Variants in DTNA observed in about 807,000 individuals in gnomAD.
DTNA encodes the protein dystrobrevin alpha.
Under a neutral mutation model 100.7 loss-of-function variants are expected in DTNA, and 43 were observed. That is an observed-to-expected ratio of 0.43 (90% confidence interval 0.33 to 0.55). DTNA has a LOEUF of 0.55. Ranked by LOEUF, DTNA falls within the 20% of genes least tolerant of loss-of-function variation. DTNA has a pLI of 0.04. For synonymous variants in DTNA, 349 were observed against 347.9 expected (o/e 1.00, Z -0.04); for missense variants, 798 against 953.9 (o/e 0.84, Z 2.15).
chr18:34,876,749 A>G (rs773045667), intron 18 of DTNA, among the ~76,000 whole-genome samples: 42 of 152,194 alleles, frequency 2.8e-4, no homozygotes, highest in Admixed American at 4.6e-4. Flanking sequence ...GGAAGGATCT[A>G]TATTAGAACT....
chr18:34,530,883 T>C (rs967442522), intron 1 of DTNA, among the ~76,000 whole-genome samples: 2 of 152,062 alleles, frequency 1.3e-5, no homozygotes, highest in African/African-American at 4.8e-5. Context: ...ACCAAGAAAA[T>C]ATCAGGGAAT....
At chr18:34,741,073 C>T (rs2090560414) in intron 1 of DTNA, among the ~76,000 whole-genome samples, 1 of 152,114 alleles carries the variant, frequency 6.6e-6, no homozygotes, top group South Asian at 2.1e-4. Context: ...CTGCGCAGGT[C>T]CATTTTCTAC....
chr18:34,765,840 A>G (rs2093437889), intron 2 of DTNA, 121 bp from the exon 3 acceptor site: 2 of 958,650 alleles, frequency 2.1e-6, no homozygotes, highest in African/African-American at 1.7e-5. Flanking sequence ...AGTTATATTT[A>G]TATTCTAATA....
chr18:34,722,284 AAAAGGGTGTTAATATAGAC>A (rs2085509329), intron 1 of DTNA, among the ~76,000 whole-genome samples: 1 of 152,176 alleles, frequency 6.6e-6, no homozygotes, highest in Non-Finnish European at 1.5e-5. Context: ...ACTATAATTT[AAAAGGGTGTTAATATAGAC>A]AAACCCTGGA....
chr18:34,564,887 G>C (rs533370629), intron 1 of DTNA, among the ~76,000 whole-genome samples: 35 of 152,122 alleles, frequency 2.3e-4, no homozygotes, highest in Non-Finnish European at 4.4e-4. Context: ...GTAGACTTAA[G>C]ATAAAGAATG....
At chr18:34,602,703 A>T (rs2052152379) in intron 1 of DTNA, among the ~76,000 whole-genome samples, 3 of 151,978 alleles carry the variant, frequency 2.0e-5, no homozygotes, top group Admixed American at 1.3e-4. Flanking sequence ...CTCTACAAAA[A>T]AAAACAAACA....
At chr18:34,825,554 G>A (rs1261241071) in intron 9 of DTNA, among the ~76,000 whole-genome samples, 2 of 152,114 alleles carry the variant, frequency 1.3e-5, no homozygotes, top group Non-Finnish European at 2.9e-5. Flanking sequence ...TGTTAGATAA[G>A]GTAACTTGCC....
At chr18:34,680,955 T>C (rs918937279) in intron 1 of DTNA, among the ~76,000 whole-genome samples, 2 of 152,050 alleles carry the variant, frequency 1.3e-5, no homozygotes, top group African/African-American at 4.8e-5. Flanking sequence ...TCTCCTCCCC[T>C]CCTACATGTT....
intron 1 of DTNA, among the ~76,000 whole-genome samples, chr18:34,744,467 T>C (rs1350990347): frequency 2.0e-5 from 3 of 152,014 alleles, no homozygotes; most frequent in African/African-American, 4.8e-5. Flanking sequence ...GAAAAAAATA[T>C]CATGAGGCTT....
intron 13 of DTNA, among the ~76,000 whole-genome samples, chr18:34,840,200 T>C (rs2096242578): frequency 6.6e-6 from 1 of 152,158 alleles, no homozygotes; most frequent in African/African-American, 2.4e-5. Context: ...TTTAAGGGGA[T>C]AAAAATGCAC....
chr18:34,653,239 C>T (rs544964376), intron 1 of DTNA, among the ~76,000 whole-genome samples: 1 of 152,166 alleles, frequency 6.6e-6, no homozygotes, highest in Non-Finnish European at 1.5e-5. Flanking sequence ...AACGAATAGG[C>T]TTCTACCTGT....
At chr18:34,689,484 A>C (rs1278706250) in intron 1 of DTNA, among the ~76,000 whole-genome samples, 1 of 152,208 alleles carries the variant, frequency 6.6e-6, no homozygotes, top group Non-Finnish European at 1.5e-5. Context: ...GCTGCAGAAC[A>C]GCAGAGATTG....
chr18:34,718,280 A>C (rs1027270999), intron 1 of DTNA, among the ~76,000 whole-genome samples: 3 of 152,186 alleles, frequency 2.0e-5, no homozygotes, highest in African/African-American at 7.2e-5. Context: ...AATGTAACTG[A>C]GGTGGAAACT....
intron 1 of DTNA, among the ~76,000 whole-genome samples, chr18:34,702,736 C>T (rs560478247): frequency 1.3e-5 from 2 of 152,216 alleles, no homozygotes; most frequent in African/African-American, 4.8e-5. Flanking sequence ...CTTTTTCCTC[C>T]ACCTCTGTCT....
chr18:34,823,680 T>G (rs896170645), intron 9 of DTNA, among the ~76,000 whole-genome samples: 1 of 152,206 alleles, frequency 6.6e-6, no homozygotes, highest in African/African-American at 2.4e-5. Context: ...TCATCCTCAT[T>G]CCCTCTCTGA....
rs556007812 is a variant in DTNA, at chr18:34,540,407, T to C, written c.-2+46893T>C. Among the ~76,000 whole-genome samples, 4 of 152,166 alleles carry C rather than the reference T, an allele frequency of 2.6e-5. No homozygotes were observed. The South Asian group carries it at 8.3e-4, about 32-fold the overall frequency. The stretch of plus-strand genomic sequence containing the variant: ...CACAATAACAAAGAAACATATCATT[T>C]ATATGATTTTCATTGTATGAAGCAT... On this transcript the variant is annotated intron_variant, in intron 1 of 19. Transcript: ENST00000283365.
rs555488991 is a variant in DTNA, at chr18:34,608,361, C to T, written c.-2+114847C>T. ...AATTAGCAGTGCTAAAAATAAAAGA[C>T]ATATCCTTTATTCAAATAAACAATA... On this transcript the variant is annotated intron_variant, in intron 1 of 19. Coordinates refer to the DTNA transcript ENST00000283365. Among the ~76,000 whole-genome samples the T allele has an allele frequency of 1.4e-4, 21 of 152,258 alleles. 1 individual carries two copies. In the South Asian group the frequency reaches 3.9e-3, roughly 29 times the overall value.
At chr18:34,877,640 G>A in intron 18 of DTNA, 79 bp from the exon 19 acceptor site, 1 of 1,293,576 alleles carries the variant, frequency 7.7e-7, no homozygotes, top group Non-Finnish European at 1.1e-6. Context: ...GGTTATTAAT[G>A]GGAAGGATAA....
At chr18:34,526,248 A>G (rs1430609932) in intron 1 of DTNA, among the ~76,000 whole-genome samples, 1 of 152,156 alleles carries the variant, frequency 6.6e-6, no homozygotes, top group Non-Finnish European at 1.5e-5. Flanking sequence ...TTGTGATTTA[A>G]TGACCTTTGT....
Sources: allele counts gnomAD v4.1 joint callset (sites outside exome capture counted in the v4.1 genomes callset), GRCh38; gene constraint gnomAD v4.1.1; transcripts MANE v1.5; gene names NCBI Gene and HGNC (gene_info 2026-07-23, HGNC 2026-07-21).